Variants in SRPK2 observed in about 807,000 individuals in gnomAD.
The protein encoded by SRPK2 is SRSF protein kinase 2.
SRPK2 carries 21 observed loss-of-function variants against 90.8 expected under a neutral mutation model. That is an observed-to-expected ratio of 0.23 (90% CI 0.16 to 0.33). The LOEUF (loss-of-function observed/expected upper bound fraction) is 0.33, where lower values mean the gene tolerates loss of function less well. SRPK2 is among the 10% of genes least tolerant of loss of function. The pLI, the probability that SRPK2 is intolerant of heterozygous loss-of-function variation, is 1.00. For synonymous variants in SRPK2, 288 were observed against 311.1 expected, an observed-to-expected ratio of 0.93 and a Z score of 0.78; for missense variants, 620 against 869.0, an observed-to-expected ratio of 0.71 and a Z score of 3.60.
chr7:105,278,936 T>C (rs942005129), intron 2 of SRPK2, among the ~76,000 whole-genome samples: 5 of 152,210 alleles, frequency 3.3e-5, no homozygotes, highest in Non-Finnish European at 4.4e-5. Flanking sequence ...CAATCAACAC[T>C]TGGTATAATC....
At position 105,245,186 on chromosome 7, in the gene SRPK2, GAGACAGTTAA is replaced by G. The variant is rs138084745; in HGVS notation, c.72-41411_72-41402del. Among the ~76,000 whole-genome samples the G allele has an allele frequency of 6.0e-3, 921 of 152,288 alleles. 12 individuals are homozygous for G. Among genetic ancestry groups the G allele is most frequent in the African/African-American group, 0.021 (885 of 41,556 alleles). On this transcript the variant is annotated intron_variant, in intron 2 of 15. Transcript: ENST00000393651. ...TGCTAGGCACCAGAAACGTGAACATGAGACAGTTAAAGCTCCTTGCGTCTCGAGCTAGTGG... is the reference window on the plus strand; with the variant it reads ...TGCTAGGCACCAGAAACGTGAACATGAGCTCCTTGCGTCTCGAGCTAGTGG...
chr7:105,125,016 G>A (rs1033029511), intron 15 of SRPK2, among the ~76,000 whole-genome samples: 2 of 151,192 alleles, frequency 1.3e-5, no homozygotes, highest in Non-Finnish European at 2.9e-5. Flanking sequence ...TGTAATCCCA[G>A]CTACATGGGA....
chr7:105,384,384 AACT>A (rs1273066333), intron 2 of SRPK2, among the ~76,000 whole-genome samples: 6 of 152,222 alleles, frequency 3.9e-5, no homozygotes, highest in Non-Finnish European at 8.8e-5. Context: ...TATTCCTGAC[AACT>A]ACAATTTCCA....
intron 2 of SRPK2, among the ~76,000 whole-genome samples, chr7:105,294,390 C>T (rs1478043357): frequency 1.3e-5 from 2 of 152,156 alleles, no homozygotes; most frequent in Non-Finnish European, 2.9e-5. Context: ...ACCGTCTCTT[C>T]AGAGGTTTTG....
chr7:105,380,713 G>A (rs1314255666), intron 2 of SRPK2, among the ~76,000 whole-genome samples: 6 of 151,434 alleles, frequency 4.0e-5, no homozygotes, highest in Non-Finnish European at 5.9e-5. Context: ...TAGAAGAGAC[G>A]GGGTTTCGCC....
At chr7:105,165,792 T>C (rs561544479) in intron 6 of SRPK2, among the ~76,000 whole-genome samples, 38 of 152,318 alleles carry the variant, frequency 2.5e-4, no homozygotes, top group African/African-American at 8.9e-4. Flanking sequence ...TCCCCTTCCA[T>C]GCTGTGGAAG....
intron 3 of SRPK2, among the ~76,000 whole-genome samples, chr7:105,178,437 A>AGG (rs1792284869): frequency 1.3e-5 from 2 of 152,216 alleles, no homozygotes; most frequent in African/African-American, 4.8e-5. Context: ...TATTTCCTAT[A>AGG]ACAGTAATGA....
At chr7:105,249,742 C>CA (rs1022455402) in intron 2 of SRPK2, among the ~76,000 whole-genome samples, 14 of 152,124 alleles carry the variant, frequency 9.2e-5, no homozygotes, top group African/African-American at 3.4e-4. Flanking sequence ...TATGTCTGGT[C>CA]AAAATCAAGC....
intron 2 of SRPK2, among the ~76,000 whole-genome samples, chr7:105,211,863 A>G (rs1367763270): frequency 6.6e-6 from 1 of 152,226 alleles, no homozygotes. Context: ...ACTCAAAGTT[A>G]GTAAGGATGT....
chr7:105,282,981 G>A (rs1807543327), intron 2 of SRPK2, among the ~76,000 whole-genome samples: 1 of 151,018 alleles, frequency 6.6e-6, no homozygotes, highest in South Asian at 2.1e-4. Flanking sequence ...AAGTGGGCAA[G>A]GGATTTAAAT....
intron 6 of SRPK2, among the ~76,000 whole-genome samples, chr7:105,162,566 A>G (rs1317287811): frequency 6.6e-6 from 1 of 152,228 alleles, no homozygotes; most frequent in East Asian, 1.9e-4. Context: ...AAACAATATT[A>G]TTTTAAATAT....
At chr7:105,170,074 C>T (rs148873560) in intron 3 of SRPK2, among the ~76,000 whole-genome samples, 283 of 152,248 alleles carry the variant, frequency 1.9e-3, no homozygotes, top group African/African-American at 6.4e-3. Flanking sequence ...TCTCCCCTCC[C>T]AAAGTGCTGG....
At chr7:105,391,113 T>C (rs1347285367), upstream of SRPK2, among the ~76,000 whole-genome samples, 3 of 152,218 alleles carry the variant, frequency 2.0e-5, no homozygotes, top group African/African-American at 7.2e-5. Context: ...ATTAACATCA[T>C]TAGTTGTTAG....
At chr7:105,122,657 C>G (rs1233056102) in intron 15 of SRPK2, among the ~76,000 whole-genome samples, 6 of 152,144 alleles carry the variant, frequency 3.9e-5, no homozygotes, top group Non-Finnish European at 7.4e-5. Context: ...TAAAACTCAG[C>G]TCCTGGGTTT....
rs992496864 is a variant in SRPK2, at chr7:105,255,298, C to A, written c.72-51513G>T. ...AAGCCAATTTTGTTAGTCACCTTTA[C>A]TAGTTGCACAGCAAATACCCGTATC... On this transcript the variant is annotated intron_variant, in intron 2 of 15. Coordinates refer to ENST00000393651, the MANE Select transcript of SRPK2 (RefSeq NM_182692.3). Among the ~76,000 whole-genome samples the A allele has an allele frequency of 7.9e-5, 12 of 151,674 alleles. 1 individual carries two copies. Among genetic ancestry groups the A allele is most frequent in the Admixed American group, 3.3e-4 (5 of 15,194 alleles).
At chr7:105,333,552 T>A (rs1220859824) in intron 2 of SRPK2, among the ~76,000 whole-genome samples, 2 of 152,310 alleles carry the variant, frequency 1.3e-5, no homozygotes, top group African/African-American at 4.8e-5. Context: ...AAACTGCTAA[T>A]ATTACAAAAA....
At chr7:105,162,303 A>T (rs1382926558) in intron 6 of SRPK2, among the ~76,000 whole-genome samples, 1 of 152,148 alleles carries the variant, frequency 6.6e-6, no homozygotes, top group Non-Finnish European at 1.5e-5. Context: ...TGGTCTCCCA[A>T]AGTGCTGGGA....
chr7:105,246,610 G>A (rs1801697075), intron 2 of SRPK2, among the ~76,000 whole-genome samples: 1 of 152,230 alleles, frequency 6.6e-6, no homozygotes, highest in Admixed American at 6.5e-5. Context: ...GTGACACTGA[G>A]GAAGGGCCAA....
rs193013371 is a variant in SRPK2 at position 105,223,741 on chromosome 7, T to C, written c.72-19956A>G. ...ACATACAAGAGTTTCTTGAAGCTAA[T>C]TTTTGTCAAGCTATACTCAGAAAGC... On this transcript the variant is annotated intron_variant, in intron 2 of 15. Transcript: ENST00000393651. Among the ~76,000 whole-genome samples the C allele has an allele frequency of 5.5e-4, 84 of 152,352 alleles. 1 individual carries two copies. Among genetic ancestry groups the C allele is most frequent in the Non-Finnish European group, 1.0e-3 (71 of 68,024 alleles).
Sources: gnomAD v4.1 joint callset for allele counts (sites outside exome capture counted in the v4.1 genomes callset) on GRCh38, gnomAD v4.1.1 for gene constraint, MANE v1.5 for transcripts, NCBI Gene and HGNC (gene_info 2026-07-23, HGNC 2026-07-21) for gene names.